ADAMTSL3: variants seen among roughly 807,000 people sequenced by gnomAD.
ADAMTSL3 encodes the protein ADAMTS like 3.
Under a neutral mutation model 201.7 loss-of-function variants are expected in ADAMTSL3, and 128 were observed. That is an observed-to-expected ratio of 0.63 (90% CI 0.55 to 0.73). The LOEUF (loss-of-function observed/expected upper bound fraction) is 0.73. Among genes scored for constraint, ADAMTSL3 ranks in the 30% least tolerant of loss-of-function variants. ADAMTSL3 has a pLI of 0.00. For missense variants in ADAMTSL3, 1,990 were observed against 2,119.6 expected (o/e 0.94, Z 1.20); for synonymous variants, 738 against 748.4 (o/e 0.99, Z 0.23).
chr15:83,951,441 A>T (rs1207812034), intron 19 of ADAMTSL3, among the ~76,000 whole-genome samples: 1 of 152,060 alleles, frequency 6.6e-6, no homozygotes, highest in Non-Finnish European at 1.5e-5. Context: ...GAATTTTTGC[A>T]TCAGTGTTCA....
chr15:83,655,699 G>A, intron 1 of ADAMTSL3, 30 bp from the exon 2 acceptor site: 2 of 1,541,404 alleles, frequency 1.3e-6, no homozygotes, highest in South Asian at 1.1e-5. Context: ...GCCAGAGCTG[G>A]TTGGTAATGA....
chr15:83,977,646 G>A (rs2067310562), intron 20 of ADAMTSL3, among the ~76,000 whole-genome samples: 1 of 152,162 alleles, frequency 6.6e-6, no homozygotes, highest in Non-Finnish European at 1.5e-5. Flanking sequence ...TGAAGTGAGT[G>A]ATTAAAGTTA....
chr15:83,830,655 T>C (rs1409278998), intron 6 of ADAMTSL3, among the ~76,000 whole-genome samples: 1 of 152,102 alleles, frequency 6.6e-6, no homozygotes, highest in Admixed American at 6.5e-5. Context: ...TTACCACAAA[T>C]TTGGTGGCTT....
chr15:83,742,915 T>G (rs2062479738), intron 3 of ADAMTSL3, among the ~76,000 whole-genome samples: 1 of 152,232 alleles, frequency 6.6e-6, no homozygotes, highest in Non-Finnish European at 1.5e-5. Flanking sequence ...TTCTTTGATC[T>G]CCACATCTGT....
At chr15:84,020,456 T>C (rs2068180260) in intron 25 of ADAMTSL3, among the ~76,000 whole-genome samples, 1 of 152,246 alleles carries the variant, frequency 6.6e-6, no homozygotes, top group South Asian at 2.1e-4. Context: ...TAAAAAATTA[T>C]TTTTAAATAA....
intron 17 of ADAMTSL3, among the ~76,000 whole-genome samples, chr15:83,932,876 G>A (rs1277632520): frequency 6.6e-6 from 1 of 152,106 alleles, no homozygotes; most frequent in Non-Finnish European, 1.5e-5. Flanking sequence ...CAGATACACA[G>A]AGCATCGTAA....
chr15:83,979,745 T>C (rs995094135), intron 20 of ADAMTSL3, among the ~76,000 whole-genome samples: 2 of 152,218 alleles, frequency 1.3e-5, no homozygotes, highest in Non-Finnish European at 2.9e-5. Flanking sequence ...CAGAAGACAC[T>C]GGATATTGTG....
intron 5 of ADAMTSL3, among the ~76,000 whole-genome samples, chr15:83,812,474 A>G (rs1045180324): frequency 4.6e-5 from 7 of 152,182 alleles, no homozygotes; most frequent in Non-Finnish European, 7.3e-5. Flanking sequence ...AAACATGCCT[A>G]CACCTATACT....
intron 3 of ADAMTSL3, among the ~76,000 whole-genome samples, chr15:83,744,499 TA>T (rs1213727097): frequency 6.6e-6 from 1 of 152,226 alleles, no homozygotes; most frequent in Non-Finnish European, 1.5e-5. Context: ...AAATTGTATA[TA>T]TTCATGATGT....
At chr15:83,707,193 T>C (rs1040580684) in intron 3 of ADAMTSL3, among the ~76,000 whole-genome samples, 1 of 152,208 alleles carries the variant, frequency 6.6e-6, no homozygotes, top group Non-Finnish European at 1.5e-5. Context: ...CAAGTTACTT[T>C]ACTTCCCTGT....
At chr15:83,903,928 A>AGG (rs1567226013) in intron 15 of ADAMTSL3, among the ~76,000 whole-genome samples, 3,763 of 63,332 alleles carry the variant, frequency 0.059, 790 homozygotes, top group African/African-American at 0.092. Context: ...AAAAAAAAAA[A>AGG]AAAAAAAAAA....
intron 23 of ADAMTSL3, among the ~76,000 whole-genome samples, chr15:84,009,856 C>G (rs189282414): frequency 6.6e-6 from 1 of 152,232 alleles, no homozygotes; most frequent in Non-Finnish European, 1.5e-5. Flanking sequence ...GCTTGTTTAG[C>G]CTGGCTGAAG....
At chr15:83,673,739 T>C (rs2061357531) in intron 2 of ADAMTSL3, among the ~76,000 whole-genome samples, 1 of 152,228 alleles carries the variant, frequency 6.6e-6, no homozygotes, top group Non-Finnish European at 1.5e-5. Flanking sequence ...TTTTGTAACA[T>C]AGGATTAGCA....
chr15:83,717,895 G>A (rs1433073726), intron 3 of ADAMTSL3, among the ~76,000 whole-genome samples: 1 of 152,180 alleles, frequency 6.6e-6, no homozygotes, highest in African/African-American at 2.4e-5. Context: ...TTGCTGTTAT[G>A]AGACTGCTGT....
chr15:83,693,371 G>A (rs962716220), intron 2 of ADAMTSL3, among the ~76,000 whole-genome samples: 1 of 152,202 alleles, frequency 6.6e-6, no homozygotes, highest in Non-Finnish European at 1.5e-5. Context: ...TGCTTGGGGA[G>A]CAGCCATGCT....
intron 19 of ADAMTSL3, among the ~76,000 whole-genome samples, chr15:83,952,560 G>T (rs1253030871): frequency 6.6e-6 from 1 of 152,136 alleles, no homozygotes; most frequent in African/African-American, 2.4e-5. Context: ...AGCTATCATT[G>T]TATTGAGGCC....
intron 8 of ADAMTSL3, among the ~76,000 whole-genome samples, chr15:83,869,192 C>T (rs544176340): frequency 6.6e-6 from 1 of 152,196 alleles, no homozygotes; most frequent in African/African-American, 2.4e-5. Context: ...CTTAATATTG[C>T]CTTAATGCTC....
chr15:83,789,721 A>G (rs779467586), intron 4 of ADAMTSL3, among the ~76,000 whole-genome samples: 13 of 152,208 alleles, frequency 8.5e-5, no homozygotes, highest in Non-Finnish European at 1.6e-4. Flanking sequence ...TTTTCAGTAT[A>G]GTACTCTTGC....
chr15:83,924,001 C>A lies in ADAMTSL3; in HGVS notation c.2085C>A (p.Ser695Arg). 1 of 1,614,128 alleles carries A rather than the reference C, an allele frequency of 6.2e-7. No individual in the cohort carries two copies. ...CDMVHRPPAM[S>R]QACNTEPCPP... ...TGGTCCACCGTCCTCCAGCCATGAG[C>A]CAGGCCTGTAACACAGAGCCCTGTC... Residue 695 changes from serine (S) to arginine (R), a missense_variant, in exon 17 of 30, where the codon AGC (serine) becomes AGA (arginine). Ser to Arg is a moderately radical substitution (Grantham distance 110, BLOSUM62 -1). Coordinates refer to ENST00000286744, the MANE Select transcript of ADAMTSL3 (RefSeq NM_207517.3).
Sources: allele counts gnomAD v4.1 joint callset (sites outside exome capture counted in the v4.1 genomes callset), GRCh38; gene constraint gnomAD v4.1.1; transcripts MANE v1.5; gene names NCBI Gene and HGNC (gene_info 2026-07-23, HGNC 2026-07-21).